Variants in DOK6 observed in about 807,000 individuals in gnomAD.
DOK6 encodes downstream of tyrosine kinase 6.
DOK6 carries 22 observed loss-of-function variants against 44.0 expected under a neutral mutation model. The observed-to-expected ratio is 0.50, with a 90% CI of 0.36 to 0.71. The LOEUF is 0.71. DOK6 is among the 30% of genes least tolerant of loss of function. The probability of loss-of-function intolerance (pLI) is 0.00; values close to 1 mark genes in which losing one functional copy is unlikely to be tolerated. For synonymous variants in DOK6, 166 were observed against 145.5 expected (o/e 1.14, Z -1.01); for missense variants, 340 against 416.4 (o/e 0.82, Z 1.60).
intron 1 of DOK6, among the ~76,000 whole-genome samples, chr18:69,413,665 A>G (rs1479167275): frequency 6.6e-6 from 1 of 152,018 alleles, no homozygotes; most frequent in African/African-American, 2.4e-5. Context: ...TTGGAAAAAC[A>G]TTAGAAGAAA....
intron 1 of DOK6, among the ~76,000 whole-genome samples, chr18:69,557,711 A>G (rs1285403325): frequency 5.3e-5 from 8 of 152,140 alleles, no homozygotes; most frequent in African/African-American, 1.9e-4. Context: ...AATAACTGGC[A>G]TGTTTAGGAG....
intron 1 of DOK6, among the ~76,000 whole-genome samples, chr18:69,479,092 G>A (rs1599150363): frequency 6.6e-6 from 1 of 152,176 alleles, no homozygotes; most frequent in Non-Finnish European, 1.5e-5. Context: ...AGGTAAGGAA[G>A]CATGTAACTA....
intron 1 of DOK6, among the ~76,000 whole-genome samples, chr18:69,541,431 A>C (rs996819736): frequency 1.3e-5 from 2 of 151,566 alleles, no homozygotes; most frequent in Non-Finnish European, 3.0e-5. Flanking sequence ...GACTGAGTGC[A>C]TTATTATATA....
chr18:69,660,710 C>T (rs1227232998), intron 3 of DOK6: 3 of 145,562 alleles, frequency 2.1e-5, no homozygotes, highest in Non-Finnish European at 4.5e-5. Flanking sequence ...CTCGCTCTGT[C>T]ACCAGGCTGG....
intron 7 of DOK6, among the ~76,000 whole-genome samples, chr18:69,827,051 TA>T (rs1981761201): frequency 6.6e-6 from 1 of 152,162 alleles, no homozygotes; most frequent in Non-Finnish European, 1.5e-5. Flanking sequence ...GATCTAGGGA[TA>T]AATTGTTACT....
At chr18:69,593,591 G>A (rs1434570474) in intron 2 of DOK6, among the ~76,000 whole-genome samples, 1 of 152,146 alleles carries the variant, frequency 6.6e-6, no homozygotes, top group African/African-American at 2.4e-5. Flanking sequence ...TTACAGAAGA[G>A]CAAACACTGT....
At chr18:69,509,604 C>G (rs1264594544) in intron 1 of DOK6, among the ~76,000 whole-genome samples, 6 of 142,452 alleles carry the variant, frequency 4.2e-5, no homozygotes, top group South Asian at 2.3e-4. Flanking sequence ...CGCCGCTGCA[C>G]TCCAGCCTGG....
chr18:69,638,767 A>G (rs1599235135), intron 3 of DOK6, among the ~76,000 whole-genome samples: 2 of 152,188 alleles, frequency 1.3e-5, no homozygotes, highest in East Asian at 3.9e-4. Context: ...ATCATTCTCT[A>G]AAGGATTTGA....
chr18:69,600,177 G>A (rs62089905), intron 3 of DOK6, among the ~76,000 whole-genome samples: 1 of 151,700 alleles, frequency 6.6e-6, no homozygotes, highest in Non-Finnish European at 1.5e-5. Flanking sequence ...TGCAAGATGT[G>A]AACTTAAACT....
At chr18:69,489,262 T>C (rs1375051428) in intron 1 of DOK6, among the ~76,000 whole-genome samples, 21 of 152,182 alleles carry the variant, frequency 1.4e-4, no homozygotes. Flanking sequence ...TTTCAGACTC[T>C]GAAGAAATTG....
chr18:69,446,646 T>A (rs1568260652), intron 1 of DOK6, among the ~76,000 whole-genome samples: 1 of 152,234 alleles, frequency 6.6e-6, no homozygotes, highest in Non-Finnish European at 1.5e-5. Flanking sequence ...TCTTCCACAA[T>A]GGTTGAACTA....
At position 69,578,824 on chromosome 18, in the gene DOK6, T is replaced by C. The variant is rs926461264; in HGVS notation, c.174+14230T>C. Among the ~76,000 whole-genome samples, 21 of 152,326 alleles carry C rather than the reference T, an allele frequency of 1.4e-4. No individual in the cohort carries two copies. The East Asian group carries it at 3.7e-3, about 27-fold the overall frequency. On this transcript the variant is annotated intron_variant, in intron 2 of 7. Coordinates refer to ENST00000382713, the MANE Select transcript of DOK6 (RefSeq NM_152721.6). ...ATGCACATTTATTTAGAACTTACAA[T>C]TTCAACAATATTTCAGTGAGAAATT...
intron 1 of DOK6, among the ~76,000 whole-genome samples, chr18:69,440,978 T>A (rs1016465391): frequency 1.3e-5 from 2 of 152,270 alleles, no homozygotes; most frequent in Middle Eastern, 3.4e-3. Context: ...ATAGGCTAAC[T>A]TAAAAAATTA....
At chr18:69,636,298 T>A (rs1315454665) in intron 3 of DOK6, among the ~76,000 whole-genome samples, 1 of 152,164 alleles carries the variant, frequency 6.6e-6, no homozygotes, top group Non-Finnish European at 1.5e-5. Context: ...TAATGGAATA[T>A]TCGGGATCAA....
intron 6 of DOK6, among the ~76,000 whole-genome samples, chr18:69,755,179 T>C (rs80246220): frequency 0.031 from 4,724 of 152,158 alleles, 136 homozygotes; most frequent in East Asian, 0.087. Context: ...CGTAAAACAA[T>C]ACAGGGTGAT....
chr18:69,441,762 T>C (rs1214898379), intron 1 of DOK6, among the ~76,000 whole-genome samples: 6 of 152,260 alleles, frequency 3.9e-5, no homozygotes, highest in East Asian at 1.9e-4. Context: ...AGCTGTTGCA[T>C]TGTGAAAAGC....
At chr18:69,490,239 G>A (rs937822902) in intron 1 of DOK6, among the ~76,000 whole-genome samples, 2 of 152,108 alleles carry the variant, frequency 1.3e-5, no homozygotes, top group South Asian at 2.1e-4. Context: ...GACCTCACAA[G>A]GATATCATTA....
chr18:69,488,198 A>G (rs527397739), intron 1 of DOK6, among the ~76,000 whole-genome samples: 7 of 152,256 alleles, frequency 4.6e-5, no homozygotes, highest in Non-Finnish European at 8.8e-5. Flanking sequence ...TCTTCTTAGA[A>G]GGGCACTAAT....
intron 5 of DOK6, among the ~76,000 whole-genome samples, chr18:69,719,249 G>A (rs1986951827): frequency 6.6e-6 from 1 of 152,174 alleles, no homozygotes; most frequent in Non-Finnish European, 1.5e-5. Context: ...GCTGCTGATT[G>A]GTTGGGGATA....
Sources: gnomAD v4.1 joint callset for allele counts (sites outside exome capture counted in the v4.1 genomes callset) on GRCh38, gnomAD v4.1.1 for gene constraint, MANE v1.5 for transcripts, NCBI Gene and HGNC (gene_info 2026-07-23, HGNC 2026-07-21) for gene names.